The following MYO1H variants were observed in gnomAD, a reference collection of about 807,000 sequenced individuals.
MYO1H encodes unconventional myosin-Ih.
In MYO1H, 118 loss-of-function variants were observed where a neutral mutation model predicts 149.3. The ratio of observed to expected loss-of-function variants is 0.79; its 90% CI spans 0.68 to 0.92. The LOEUF is 0.92. Among genes scored for constraint, MYO1H ranks in the 40% least tolerant of loss-of-function variants. The pLI, the probability that MYO1H is intolerant of heterozygous loss-of-function variation, is 0.00. For synonymous variants in MYO1H, 447 were observed against 465.2 expected (o/e 0.96, Z 0.50); for missense variants, 1,212 against 1,280.7 (o/e 0.95, Z 0.82).
chr12:109,382,715 T>G (rs1451811136), intron 1 of MYO1H, among the ~76,000 whole-genome samples: 1 of 151,768 alleles, frequency 6.6e-6, no homozygotes, highest in African/African-American at 2.4e-5. Context: ...AATCCAGTGC[T>G]GGGGGAGTAG....
intron 27 of MYO1H, among the ~76,000 whole-genome samples, chr12:109,442,874 G>A (rs1040143998): frequency 1.4e-4 from 21 of 148,676 alleles, no homozygotes; most frequent in Non-Finnish European, 3.1e-4. Context: ...GTGGCTGTGA[G>A]AGTTTTCATC....
intron 19 of MYO1H, among the ~76,000 whole-genome samples, chr12:109,431,674 G>A (rs926963774): frequency 5.9e-5 from 9 of 152,168 alleles, no homozygotes; most frequent in African/African-American, 2.2e-4. Flanking sequence ...TGAATTCTGC[G>A]TTCAGTTGTT....
At chr12:109,409,240 C>CTTTTT (rs1870542742) in intron 10 of MYO1H, among the ~76,000 whole-genome samples, 9 of 91,024 alleles carry the variant, frequency 9.9e-5, no homozygotes, top group African/African-American at 2.1e-4. Flanking sequence ...TCTTCTTCTT[C>CTTTTT]TTCTTCTTTT....
At chr12:109,427,316 CAAAAAAAA>C (rs34644066) in intron 18 of MYO1H, among the ~76,000 whole-genome samples, 145 bp from the exon 19 acceptor site, 1,077 of 101,240 alleles carry the variant, frequency 0.011, 20 homozygotes, top group African/African-American at 0.038. Context: ...AACCCCATCT[CAAAAAAAA>C]AAAAAAAAAA....
At chr12:109,380,572 A>G (rs531307999) in intron 1 of MYO1H, among the ~76,000 whole-genome samples, 1 of 152,346 alleles carries the variant, frequency 6.6e-6, no homozygotes, top group Non-Finnish European at 1.5e-5. Context: ...TGTTGTGTGT[A>G]TATTGTTAAT....
chr12:109,406,656 A>T, intron 8 of MYO1H, 133 bp from the exon 9 acceptor site: 1 of 762,728 alleles, frequency 1.3e-6, no homozygotes, highest in Non-Finnish European at 2.1e-6. Flanking sequence ...TCTGAAAAAA[A>T]GTTACAATGA....
chr12:109,322,372 T>A, the MYO1H span, among the ~76,000 whole-genome samples: 1 of 152,208 alleles, frequency 6.6e-6, no homozygotes. Context: ...GTATCTACAA[T>A]GCATTTCAAA....
At chr12:109,443,038 G>GTATACACATATATA (rs1472594974) in intron 27 of MYO1H, among the ~76,000 whole-genome samples, 1 of 77,458 alleles carries the variant, frequency 1.3e-5, no homozygotes, top group Non-Finnish European at 2.5e-5. Context: ...ATGTGTGTGT[G>GTATACACATATATA]TGTGTGTGTA....
Position 109,393,551 on chromosome 12 carries a change from C to CCATCCATCCATCCACCCATT in MYO1H, c.290+119_290+120insCCCATTCATCCATCCATCCA, listed in dbSNP as rs1869761864. The CCATCCATCCATCCACCCATT allele has an allele frequency of 8.2e-6, 5 of 607,986 alleles. No individual in the cohort carries two copies. The South Asian group carries it at 9.3e-5, about 11-fold the overall frequency. 37.7% of individuals were successfully genotyped at this position (607,986 alleles called of 1,614,324 possible). On this transcript the variant is annotated intron_variant, in intron 3 of 31. Transcript: ENST00000310903. The stretch of plus-strand genomic sequence containing the variant: ...TCTGTCCATCCATTCATCCATCCAT[C>CCATCCATCCATCCACCCATT]CATCCATCCATCCATCCATCCATCC...
exon 10 of MYO1H, chr12:109,407,823 T>C: frequency 1.2e-6 from 2 of 1,613,994 alleles, no homozygotes; most frequent in Non-Finnish European, 1.7e-6. Flanking sequence ...TAGAACTCTC[T>C]GTCTACGCTA....
the MYO1H span, among the ~76,000 whole-genome samples, chr12:109,314,302 C>T: frequency 1.3e-5 from 2 of 150,296 alleles, 1 homozygote; most frequent in South Asian, 4.2e-4. Flanking sequence ...TGTTATGCTG[C>T]TCATTGATAC....
At chr12:109,344,359 A>C (rs1188832982), upstream of MYO1H, among the ~76,000 whole-genome samples, 1 of 152,214 alleles carries the variant, frequency 6.6e-6, no homozygotes, top group Admixed American at 6.5e-5. Flanking sequence ...GCAATGAACA[A>C]TCTGAAAATG....
At chr12:109,346,413 A>G (rs2048102631), upstream of MYO1H, among the ~76,000 whole-genome samples, 3 of 152,224 alleles carry the variant, frequency 2.0e-5, no homozygotes, top group South Asian at 2.1e-4. Context: ...AGTGAATGTT[A>G]TACGTGATTT....
At chr12:109,443,287 TA>T (rs1787367050) in intron 27 of MYO1H, among the ~76,000 whole-genome samples, 1 of 54,300 alleles carries the variant, frequency 1.8e-5, no homozygotes, top group Admixed American at 1.6e-4. Flanking sequence ...TATGTGTACG[TA>T]TATATGTGTG....
At chr12:109,371,373 C>T (rs114178779) in intron 1 of MYO1H, among the ~76,000 whole-genome samples, 8,226 of 151,952 alleles carry the variant, frequency 0.054, 728 homozygotes, top group African/African-American at 0.19. Flanking sequence ...TGTGCCATCG[C>T]ACCTGGCTCA....
At chr12:109,334,367 G>T in the MYO1H span, among the ~76,000 whole-genome samples, 152 of 152,168 alleles carry the variant, frequency 1.0e-3, no homozygotes, top group Non-Finnish European at 1.9e-3. Context: ...GATTGACAGG[G>T]GTCTTGCTAT....
chr12:109,390,756 C>A (rs779414994), intron 2 of MYO1H, among the ~76,000 whole-genome samples: 2 of 151,976 alleles, frequency 1.3e-5, no homozygotes, highest in Non-Finnish European at 2.9e-5. Context: ...ACCTCCGCCA[C>A]CCGGGTTCAA....
At chr12:109,430,090 A>G (rs1021949918) in intron 19 of MYO1H, among the ~76,000 whole-genome samples, 10 of 152,208 alleles carry the variant, frequency 6.6e-5, no homozygotes, top group African/African-American at 2.4e-4. Flanking sequence ...ATTGGGAGTT[A>G]GATTTCATCA....
intron 9 of MYO1H, 96 bp downstream of exon 9, chr12:109,406,956 T>C: frequency 9.0e-7 from 1 of 1,106,298 alleles, no homozygotes; most frequent in Non-Finnish European, 1.4e-6. Context: ...AGGCCAAACC[T>C]TTGATCCTAG....
Sources: gnomAD v4.1 joint callset for allele counts (sites outside exome capture counted in the v4.1 genomes callset) on GRCh38, gnomAD v4.1.1 for gene constraint, MANE v1.5 for transcripts, NCBI Gene and HGNC (gene_info 2026-07-23, HGNC 2026-07-21) for gene names.